Variants in CREBRF observed in about 807,000 individuals in gnomAD.
CREBRF encodes UPF0474 protein C5orf41.
In CREBRF, 5 loss-of-function variants were observed where a neutral mutation model predicts 66.1. The observed-to-expected ratio is 0.08, with a 90% CI of 0.04 to 0.16. The LOEUF (loss-of-function observed/expected upper bound fraction) is 0.16, where lower values mean the gene tolerates loss of function less well. CREBRF is among the 10% of genes least tolerant of loss of function. The probability of loss-of-function intolerance (pLI) is 1.00; values close to 1 mark genes in which losing one functional copy is unlikely to be tolerated. For synonymous variants in CREBRF, 229 were observed against 264.4 expected (o/e 0.87, Z 1.30); for missense variants, 531 against 744.9 (o/e 0.71, Z 3.34).
intron 4 of CREBRF, among the ~76,000 whole-genome samples, chr5:173,104,740 A>AGT (rs1554125525): frequency 0.04 from 5,852 of 146,070 alleles, 222 homozygotes; most frequent in African/African-American, 0.097. Flanking sequence ...AGAGAGAGAG[A>AGT]GTGTGTGTGT....
At chr5:173,132,998 C>T (rs572322800) in intron 8 of CREBRF, among the ~76,000 whole-genome samples, 1 of 152,046 alleles carries the variant, frequency 6.6e-6, no homozygotes, top group South Asian at 2.1e-4. Flanking sequence ...TGTACTTATA[C>T]CTCTGTTATT....
At position 173,056,433 on chromosome 5, in the gene CREBRF, C is replaced by G; in HGVS notation, c.-238C>G. 2.5e-6 allele frequency: 1 copy of G among 398,466 alleles called. No homozygotes were observed. Among genetic ancestry groups the G allele is most frequent in the Non-Finnish European group, 4.4e-6 (1 of 225,956 alleles). The allele number at this position is 398,466 out of a possible 1,614,324, so 24.7% of individuals were successfully genotyped here. ...GCAGCATGGAGAGGGGCCGTGGCCCCTGCAGCGGAACCGGACCCAGTCCCT... is the reference window on the plus strand; with the variant it reads ...GCAGCATGGAGAGGGGCCGTGGCCCGTGCAGCGGAACCGGACCCAGTCCCT... On this transcript the variant is annotated 5_prime_UTR_variant, in exon 1 of 9. Coordinates refer to ENST00000296953, the MANE Select transcript of CREBRF (RefSeq NM_153607.3).
chr5:173,106,191 A>G (rs1020755260), intron 4 of CREBRF, among the ~76,000 whole-genome samples: 2 of 150,908 alleles, frequency 1.3e-5, no homozygotes, highest in Non-Finnish European at 3.0e-5. Flanking sequence ...GCGCTTTGGG[A>G]GGCCGTGGCG....
chr5:173,091,369 A>T lies in CREBRF; in HGVS notation c.1190A>T (p.Asp397Val). Reference protein sequence around the residue: ...EEEEDYEDDKDDDISDTFSEP... With the variant: ...EEEEDYEDDKVDDISDTFSEP... ...GAAGAGGATTATGAAGATGACAAGG[A>T]TGATGATATTAGTGATACTTTCTCT... The change falls in exon 4 of 9, where the codon GAT becomes GTT. Residue 397 changes from aspartate to valine, a missense_variant. Transcript: ENST00000296953. 6.2e-7 allele frequency: 1 copy of T among 1,613,988 alleles called. No homozygotes were observed. The highest frequency in any genetic ancestry group is 1.1e-5 in the South Asian group (1 of 91,064).
chr5:173,062,130 G>A (rs934219530), intron 1 of CREBRF, among the ~76,000 whole-genome samples: 10 of 152,154 alleles, frequency 6.6e-5, no homozygotes, highest in Admixed American at 3.9e-4. Context: ...GAAATTTTTA[G>A]TTACTGTATT....
intron 2 of CREBRF, 118 bp downstream of exon 2, chr5:173,080,902 T>C: frequency 1.1e-6 from 1 of 944,328 alleles, no homozygotes; most frequent in Non-Finnish European, 1.6e-6. Context: ...TGATATCTCA[T>C]TTCTGATCTC....
intron 2 of CREBRF, among the ~76,000 whole-genome samples, chr5:173,084,331 A>G (rs533857194): frequency 2.0e-5 from 3 of 152,250 alleles, no homozygotes; most frequent in South Asian, 2.1e-4. Flanking sequence ...AACAACAACA[A>G]CAACACACCA....
intron 2 of CREBRF, among the ~76,000 whole-genome samples, chr5:173,082,682 C>T (rs1455632144): frequency 2.6e-5 from 4 of 151,442 alleles, no homozygotes; most frequent in African/African-American, 7.3e-5. Context: ...CCAAGGTGGG[C>T]GGATCACTTG....
chr5:173,064,672 C>T (rs1201431612), intron 1 of CREBRF, among the ~76,000 whole-genome samples: 10 of 150,860 alleles, frequency 6.6e-5, no homozygotes, highest in Admixed American at 1.3e-4. Flanking sequence ...TCAAGCGATT[C>T]TCCTGCCTCA....
intron 4 of CREBRF, among the ~76,000 whole-genome samples, chr5:173,097,772 G>A (rs1758513427): frequency 6.6e-6 from 1 of 151,812 alleles, no homozygotes; most frequent in Admixed American, 6.6e-5. Context: ...ATTGATTTGA[G>A]TCTTTTTTCT....
At chr5:173,118,878 T>G (rs1759070228) in intron 7 of CREBRF, among the ~76,000 whole-genome samples, 1 of 151,882 alleles carries the variant, frequency 6.6e-6, no homozygotes, top group Non-Finnish European at 1.5e-5. Context: ...TGTCTCTATT[T>G]AAAATTATTT....
intron 1 of CREBRF, among the ~76,000 whole-genome samples, chr5:173,059,031 TTA>T (rs1757176028): frequency 2.0e-5 from 3 of 151,620 alleles, no homozygotes; most frequent in Non-Finnish European, 4.4e-5. Flanking sequence ...ACTTCTGGCT[TTA>T]GGTGATCCAC....
chr5:173,105,104 C>T (rs1758717052), intron 4 of CREBRF, among the ~76,000 whole-genome samples: 1 of 152,140 alleles, frequency 6.6e-6, no homozygotes, highest in Non-Finnish European at 1.5e-5. Context: ...CTAACAACCT[C>T]CTTCCTAACT....
At chr5:173,111,853 C>T (rs1302725784) in intron 6 of CREBRF, among the ~76,000 whole-genome samples, 1 of 152,210 alleles carries the variant, frequency 6.6e-6, no homozygotes, top group East Asian at 1.9e-4. Flanking sequence ...CTGCTAGCAA[C>T]ACATGAGGGT....
At chr5:173,088,166 T>C (rs1369374192) in intron 3 of CREBRF, among the ~76,000 whole-genome samples, 2 of 151,136 alleles carry the variant, frequency 1.3e-5, no homozygotes, top group Non-Finnish European at 2.9e-5. Flanking sequence ...GAAAGGGCTC[T>C]GGAGAGATGG....
At chr5:173,122,607 T>C (rs894564435) in intron 7 of CREBRF, among the ~76,000 whole-genome samples, 2 of 144,868 alleles carry the variant, frequency 1.4e-5, no homozygotes, top group Admixed American at 7.1e-5. Flanking sequence ...TTATTATTAT[T>C]ATTATTATAC....
At chr5:173,057,053 C>T (rs1757075444) in intron 1 of CREBRF, among the ~76,000 whole-genome samples, 1 of 151,516 alleles carries the variant, frequency 6.6e-6, no homozygotes, top group South Asian at 2.1e-4. Flanking sequence ...GTAGCCGCTC[C>T]CCCTTCTGTC....
chr5:173,123,635 T>A (rs1172941501), intron 8 of CREBRF: 1 of 160,942 alleles, frequency 6.2e-6, no homozygotes, highest in Non-Finnish European at 1.3e-5. Context: ...AGGGCAGGGA[T>A]CTAGACGTCA....
intron 4 of CREBRF, among the ~76,000 whole-genome samples, chr5:173,097,646 T>G (rs1343124206): frequency 6.6e-6 from 1 of 152,200 alleles, no homozygotes; most frequent in Non-Finnish European, 1.5e-5. Flanking sequence ...TAGGAAGTTA[T>G]CCATTTCTTC....
Sources: gnomAD v4.1 joint callset for allele counts (sites outside exome capture counted in the v4.1 genomes callset) on GRCh38, gnomAD v4.1.1 for gene constraint, MANE v1.5 for transcripts, NCBI Gene and HGNC (gene_info 2026-07-23, HGNC 2026-07-21) for gene names.